The following GSTO1 variants were observed in gnomAD, a reference collection of about 807,000 sequenced individuals.
The protein encoded by GSTO1 is glutathione S-transferase omega 1, also known as glutathione S-transferase omega-1.
GSTO1 carries 27 observed loss-of-function variants against 23.8 expected under a neutral mutation model. The ratio of observed to expected loss-of-function variants is 1.13; its 90% CI spans 0.83 to 1.56. The LOEUF (loss-of-function observed/expected upper bound fraction) is 1.56. Among genes scored for constraint, GSTO1 ranks in the 40% most tolerant of loss-of-function variants. GSTO1 has a pLI of 0.00. For synonymous variants in GSTO1, 105 were observed against 109.3 expected (o/e 0.96, Z 0.25); for missense variants, 255 against 285.8 (o/e 0.89, Z 0.78).
upstream of GSTO1, chr10:104,254,704 G>A (rs2091592412): frequency 1.6e-6 from 1 of 606,798 alleles, no homozygotes; most frequent in African/African-American, 1.9e-5. Context: ...CTCCCCGTGG[G>A]TGCAGCCCTT....
At chr10:104,256,563 C>A (rs2091603814) in intron 2 of GSTO1, among the ~76,000 whole-genome samples, 1 of 152,132 alleles carries the variant, frequency 6.6e-6, no homozygotes, top group African/African-American at 2.4e-5. Context: ...CCAGACAGTG[C>A]AAACAACAAA....
chr10:104,262,610 G>A (rs550037877), intron 3 of GSTO1, among the ~76,000 whole-genome samples: 8 of 152,296 alleles, frequency 5.3e-5, no homozygotes, highest in Non-Finnish European at 1.0e-4. Context: ...TACTAAGGAG[G>A]CGGAGACAGG....
chr10:104,258,754 AG>A (rs1475920779), intron 2 of GSTO1, among the ~76,000 whole-genome samples: 7 of 152,164 alleles, frequency 4.6e-5, no homozygotes, highest in African/African-American at 1.7e-4. Context: ...CTCGGGAGGT[AG>A]GAGGATCGCT....
At chr10:104,257,292 T>A (rs563854228) in intron 2 of GSTO1, among the ~76,000 whole-genome samples, 12 of 152,120 alleles carry the variant, frequency 7.9e-5, no homozygotes, top group South Asian at 2.1e-4. Flanking sequence ...CAACATTTTT[T>A]AAAAAATCAG....
chr10:104,255,684 T>C (rs1323672680), intron 2 of GSTO1, among the ~76,000 whole-genome samples: 2 of 152,170 alleles, frequency 1.3e-5, no homozygotes. Context: ...AATGTATTGT[T>C]CCCTCCTAGA....
Position 104,255,287 on chromosome 10 carries a change from G to T in GSTO1, c.143+16G>T, listed in dbSNP as rs748552809. 5.8e-6 allele frequency: 9 copies of T among 1,558,428 alleles called. No homozygotes were observed. The highest frequency in any genetic ancestry group is 7.1e-6 in the Non-Finnish European group (8 of 1,129,434). ...AGGGAATCAGGTGGGCACCCAGGCG[G>T]GGGACGCTCCCCGAGCCGTCCGGGA... On this transcript the variant is annotated intron_variant, in intron 2 of 5. Transcript: ENST00000369713.
chr10:104,256,431 C>G (rs2091603256), intron 2 of GSTO1, among the ~76,000 whole-genome samples: 1 of 152,206 alleles, frequency 6.6e-6, no homozygotes, highest in African/African-American at 2.4e-5. Flanking sequence ...GTGCTTCACC[C>G]TGGACCTTTA....
At chr10:104,259,460 G>T in intron 2 of GSTO1, 116 bp from the exon 3 acceptor site, 1 of 635,786 alleles carries the variant, frequency 1.6e-6, no homozygotes. Flanking sequence ...AAGGAATCTA[G>T]GCAGACTCCT....
chr10:104,258,464 T>C (rs2011111657), intron 2 of GSTO1, among the ~76,000 whole-genome samples: 1 of 152,172 alleles, frequency 6.6e-6, no homozygotes, highest in South Asian at 2.1e-4. Context: ...ACCTATGGAA[T>C]AGGAGAAAGT....
At position 104,255,186 on chromosome 10, in the gene GSTO1, C is replaced by G. The variant is rs1181667116; in HGVS notation, c.58C>G (p.Pro20Ala). Residue 20 changes from proline to alanine, a missense_variant, in exon 2 of 6, where the codon CCG (proline) becomes GCG (alanine). Coordinates refer to ENST00000369713, the MANE Select transcript of GSTO1 (RefSeq NM_004832.3). ...GKGSAPPGPV[P>A]EGSIRIYSMR... ...AGGAAGCGCGCCCCCGGGGCCGGTC[C>G]CGGAGGGCTCGATCCGCATCTACAG... is the stretch of plus-strand genomic sequence containing the variant. 2.5e-6 allele frequency: 4 copies of G among 1,613,686 alleles called. No homozygotes were observed. In the African/African-American group the frequency reaches 5.3e-5, roughly 22 times the overall value.
rs1212133493 is a variant in GSTO1 at position 104,259,735 on chromosome 10, G to T, written c.303G>T (p.Lys101Asn). 6.2e-7 allele frequency: 1 copy of T among 1,614,002 alleles called. No homozygotes were observed. The highest frequency in any genetic ancestry group is 1.1e-5 in the South Asian group (1 of 91,066). Residue 101 changes from lysine to asparagine, a missense_variant, in exon 3 of 6, where the codon AAG becomes AAT. Transcript: ENST00000369713. ...TGGATGAAGCATACCCAGGGAAGAAGCTGTTGCCGGATGACCCCTATGAGA... is the reference window on the plus strand; with the variant it reads ...TGGATGAAGCATACCCAGGGAAGAATCTGTTGCCGGATGACCCCTATGAGA... The part of the protein sequence containing the change: ...EYLDEAYPGK[K>N]LLPDDPYEKA...
chr10:104,255,353 C>A, intron 2 of GSTO1, 82 bp downstream of exon 2: 1 of 830,592 alleles, frequency 1.2e-6, no homozygotes, highest in Non-Finnish European at 2.0e-6. Context: ...TCTCAGCCCC[C>A]TTCTACCCCC....
In GSTO1 at chr10:104,263,077, G is replaced by A. The variant is rs964249034; in HGVS notation, c.465G>A (p.Glu155=). 1.6e-6 allele frequency: 2 copies of A among 1,216,560 alleles called. No homozygotes were observed. Among genetic ancestry groups the A allele is most frequent in the African/African-American group, 1.5e-5 (1 of 67,880 alleles). 75.4% of individuals were successfully genotyped at this position (1,216,560 alleles called of 1,614,324 possible). A position where few individuals can be genotyped will look rare whatever the true frequency, so the allele number is the denominator to read the frequency against. The change falls in exon 4 of 6, where the codon GAG becomes GAA. Residue 155 remains glutamate (E), a splice_region_variant and synonymous_variant. Transcript: ENST00000369713. ...EFRKEFTKLE[E]VLTNKKTTFF... ...GTAAAGAATTTACCAAGCTAGAGGA[G>A]GTAATTATTTCTCCTAGCTATCATC...
chr10:104,262,833 C>T (rs910013144), intron 3 of GSTO1, 146 bp from the exon 4 acceptor site: 1 of 497,654 alleles, frequency 2.0e-6, no homozygotes, highest in African/African-American at 1.9e-5. Flanking sequence ...AGTCCATTAC[C>T]TCTGTGAGCG....
chr10:104,266,479 G>A (rs2011185592), intron 5 of GSTO1, among the ~76,000 whole-genome samples: 1 of 152,242 alleles, frequency 6.6e-6, no homozygotes, highest in South Asian at 2.1e-4. Flanking sequence ...GCTTACGCCT[G>A]TAAGCCCAGC....
At chr10:104,259,347 T>A (rs376124854) in intron 2 of GSTO1, among the ~76,000 whole-genome samples, 1 of 152,204 alleles carries the variant, frequency 6.6e-6, no homozygotes, top group Non-Finnish European at 1.5e-5. Flanking sequence ...GCGGACATTA[T>A]GCTAAGTAAA....
At position 104,267,381 on chromosome 10, in the gene GSTO1, T is replaced by A. The variant is rs1254871168; in HGVS notation, c.702T>A (p.Pro234=). Residue 234 remains proline, a synonymous_variant, in exon 6 of 6, where the codon CCT becomes CCA. Transcript: ENST00000369713. ...GFLELYLQNS[P]EACDYGL is the part of the protein sequence containing the mutation. ...TAGAGCTCTACTTACAGAACAGCCC[T>A]GAGGCCTGTGACTATGGGCTCTGAA... The A allele has an allele frequency of 6.2e-7, 1 of 1,612,362 alleles. No individual in the cohort carries two copies. Among genetic ancestry groups the A allele is most frequent in the East Asian group, 2.2e-5 (1 of 44,884 alleles).
chr10:104,262,376 C>T (rs1266983919), intron 3 of GSTO1, among the ~76,000 whole-genome samples: 2 of 152,090 alleles, frequency 1.3e-5, no homozygotes, highest in Non-Finnish European at 1.5e-5. Context: ...CTGTTTGTTC[C>T]GCCTCCCAAT....
rs759315054 is a variant in GSTO1 at position 104,262,972 on chromosome 10, T to C, written c.367-7T>C. The C allele has an allele frequency of 3.2e-6, 4 of 1,242,286 alleles. No individual in the cohort carries two copies. Among genetic ancestry groups the C allele is most frequent in the Non-Finnish European group, 4.7e-6 (4 of 854,098 alleles). 77.0% of individuals were successfully genotyped at this position (1,242,286 alleles called of 1,614,324 possible). On this transcript the variant is annotated splice_region_variant and splice_polypyrimidine_tract_variant and intron_variant, in intron 3 of 5. Coordinates refer to ENST00000369713, the MANE Select transcript of GSTO1 (RefSeq NM_004832.3). The stretch of plus-strand genomic sequence containing the variant: ...ACTGATAAACTAAGAAATTATTCTC[T>C]GTCTAGGTGCCATCCTTGGTAGGAA...
Sources: allele counts gnomAD v4.1 joint callset (sites outside exome capture counted in the v4.1 genomes callset), GRCh38; gene constraint gnomAD v4.1.1; transcripts MANE v1.5; gene names NCBI Gene and HGNC (gene_info 2026-07-23, HGNC 2026-07-21).